TTLL1: variants seen among roughly 807,000 people sequenced by gnomAD.
The protein encoded by TTLL1 is polyglutamylase complex subunit TTLL1.
Under a neutral mutation model 47.8 loss-of-function variants are expected in TTLL1, and 33 were observed. That is an observed-to-expected ratio of 0.69 (90% CI 0.52 to 0.92). TTLL1 has a LOEUF of 0.92. Ranked by LOEUF, TTLL1 falls within the 40% of genes least tolerant of loss-of-function variation. The pLI, the probability that TTLL1 is intolerant of heterozygous loss-of-function variation, is 0.00. For missense variants in TTLL1, 488 were observed against 547.5 expected (o/e 0.89, Z 1.08); for synonymous variants, 225 against 214.1 (o/e 1.05, Z -0.45).
At chr22:43,066,790 G>A (rs989514745) in intron 5 of TTLL1, among the ~76,000 whole-genome samples, 1 of 151,702 alleles carries the variant, frequency 6.6e-6, no homozygotes. Context: ...AAGAGTTAGA[G>A]ACCAGCCTGG....
At chr22:43,073,829 A>ATT (rs1338674632) in intron 3 of TTLL1, among the ~76,000 whole-genome samples, 1 of 142,276 alleles carries the variant, frequency 7.0e-6, no homozygotes, top group African/African-American at 2.7e-5. Context: ...TTATTTATTT[A>ATT]TTTATTTTTT....
chr22:43,066,496 G>A (rs1364956408), intron 5 of TTLL1, among the ~76,000 whole-genome samples: 1 of 152,010 alleles, frequency 6.6e-6, no homozygotes, highest in East Asian at 1.9e-4. Context: ...GGCTGAGGCA[G>A]GCAGATCACT....
intron 1 of TTLL1, among the ~76,000 whole-genome samples, chr22:43,086,263 CAG>C (rs199876046): frequency 0.012 from 1,823 of 152,256 alleles, 18 homozygotes; most frequent in Non-Finnish European, 0.021. Context: ...CCAGGAAAAA[CAG>C]AGTGACATAT....
At chr22:43,057,320 C>T (rs937548259) in intron 8 of TTLL1, among the ~76,000 whole-genome samples, 1 of 151,422 alleles carries the variant, frequency 6.6e-6, no homozygotes, top group African/African-American at 2.4e-5. Flanking sequence ...ACTTTGTTAC[C>T]CTCAAGTCCC....
rs1261104006 is a variant in TTLL1 at position 43,073,363 on chromosome 22, ATTTT to A, written c.113+2107_113+2110del. Among the ~76,000 whole-genome samples the A allele has an allele frequency of 2.3e-3, 185 of 80,296 alleles. 1 individual carries two copies. Among genetic ancestry groups the A allele is most frequent in the African/African-American group, 8.7e-3 (178 of 20,436 alleles). 52.7% of individuals were successfully genotyped at this position (80,296 alleles called of 152,430 possible). A position where few individuals can be genotyped will look rare whatever the true frequency, so the allele number is the denominator to read the frequency against. On this transcript the variant is annotated intron_variant, in intron 3 of 10. Coordinates refer to ENST00000266254, the MANE Select transcript of TTLL1 (RefSeq NM_012263.5). ...TATTTATTTATTTATTTATTTATTT[ATTTT>A]ATTTTTTGAGGTACAGTCTCACTCT...
intron 1 of TTLL1, among the ~76,000 whole-genome samples, chr22:43,089,061 C>G (rs1929438247): frequency 6.6e-6 from 1 of 152,182 alleles, no homozygotes; most frequent in Admixed American, 6.5e-5. Context: ...TCGGACAGCA[C>G]GAGGTAAGTC....
chr22:43,059,332 C>T (rs1483717437), intron 8 of TTLL1, 52 bp downstream of exon 8: 2 of 1,571,448 alleles, frequency 1.3e-6, no homozygotes, highest in African/African-American at 2.7e-5. Flanking sequence ...GCAAGCCCCC[C>T]CACTCCCAAA....
intron 8 of TTLL1, among the ~76,000 whole-genome samples, chr22:43,057,735 G>T (rs1372818196): frequency 7.0e-6 from 1 of 143,448 alleles, no homozygotes; most frequent in East Asian, 2.3e-4. Context: ...TGACAGGAGA[G>T]ACTGGGCTCC....
chr22:43,039,584 G>A lies in TTLL1; in HGVS notation c.*192C>T, dbSNP rs1209667338. The A allele has an allele frequency of 3.4e-5, 18 of 530,054 alleles. No individual in the cohort carries two copies. The highest frequency in any genetic ancestry group is 4.8e-5 in the Admixed American group (1 of 20,682). The allele number at this position is 530,054 out of a possible 1,614,324, so 32.8% of individuals were successfully genotyped here. Reference sequence around the variant, plus strand: ...GGTTAAAAATTAAAAAAAAAAGAGCGAGTTTTATACATCCGCATGAATTGT... The same window carrying A: ...GGTTAAAAATTAAAAAAAAAAGAGCAAGTTTTATACATCCGCATGAATTGT... On this transcript the variant is annotated 3_prime_UTR_variant, in exon 11 of 11. Transcript: ENST00000266254.
In TTLL1 at chr22:43,048,316, CAAAAAAAAAGAAAGAA is replaced by C. The variant is rs1404750251; in HGVS notation, c.979-1759_979-1744del. Among the ~76,000 whole-genome samples, 24 of 138,502 alleles carry C rather than the reference CAAAAAAAAAGAAAGAA, an allele frequency of 1.7e-4. 1 individual carries two copies. The highest frequency in any genetic ancestry group is 5.9e-4 in the African/African-American group (22 of 37,056). 90.9% of individuals were successfully genotyped at this position (138,502 alleles called of 152,430 possible). ...TGGGTCACAGAGTGAGACTCCGTCT[CAAAAAAAAAGAAAGAA>C]AAAAAAAAAGAATTGTTTTAGGCTG... On this transcript the variant is annotated intron_variant, in intron 9 of 10. Transcript: ENST00000266254.
chr22:43,067,379 TCA>T (rs1927808308), intron 5 of TTLL1, among the ~76,000 whole-genome samples: 2 of 152,140 alleles, frequency 1.3e-5, no homozygotes, highest in Admixed American at 1.3e-4. Flanking sequence ...CAAAATACGC[TCA>T]GCCACTTCGT....
intron 9 of TTLL1, among the ~76,000 whole-genome samples, chr22:43,048,269 A>T (rs1926306555): frequency 6.6e-6 from 1 of 151,770 alleles, no homozygotes; most frequent in Non-Finnish European, 1.5e-5. Flanking sequence ...GTGAGCTGAG[A>T]TCACGCCACT....
At chr22:43,053,569 T>C (rs1236770240) in intron 8 of TTLL1, among the ~76,000 whole-genome samples, 1 of 152,216 alleles carries the variant, frequency 6.6e-6, no homozygotes, top group Non-Finnish European at 1.5e-5. Flanking sequence ...TCCAGTCTCA[T>C]GCTGCAGGTT....
In TTLL1 at chr22:43,064,318, C is replaced by T. The variant is rs148650737; in HGVS notation, c.510G>A (p.Val170=). The part of the protein sequence containing the change: ...WSRDSKTSSF[V]SQSNKEAYVI... Reference sequence around the variant, plus strand: ...CGTAGGCTTCCTTATTAGATTGAGACACAAACCTAAACATGGCAGAGAAAG... The same window carrying T: ...CGTAGGCTTCCTTATTAGATTGAGATACAAACCTAAACATGGCAGAGAAAG... The change falls in exon 6 of 11, where the codon GTG becomes GTA. Residue 170 remains valine, a synonymous_variant. Coordinates refer to ENST00000266254, the MANE Select transcript of TTLL1 (RefSeq NM_012263.5). The T allele has an allele frequency of 6.5e-4, 1,055 of 1,611,302 alleles. 5 individuals are homozygous for T. The African/African-American group carries it at 0.013, about 19-fold the overall frequency.
At chr22:43,073,521 T>C (rs569499015) in intron 3 of TTLL1, among the ~76,000 whole-genome samples, 37 of 151,700 alleles carry the variant, frequency 2.4e-4, no homozygotes, top group African/African-American at 7.5e-4. Context: ...CACACCCAGA[T>C]AATTTTTGTA....
At chr22:43,067,693 AG>A (rs1401365514) in intron 5 of TTLL1, among the ~76,000 whole-genome samples, 3 of 152,102 alleles carry the variant, frequency 2.0e-5, no homozygotes, top group Non-Finnish European at 2.9e-5. Context: ...AGAACAGGCC[AG>A]GAACAGTGAA....
intron 7 of TTLL1, 138 bp from the exon 8 acceptor site, chr22:43,059,665 C>T: frequency 9.2e-7 from 1 of 1,084,450 alleles, no homozygotes; most frequent in Non-Finnish European, 1.3e-6. Context: ...ATCCAGACCC[C>T]TGCCCCAGGG....
At chr22:43,088,339 T>A (rs1317169737) in intron 1 of TTLL1, among the ~76,000 whole-genome samples, 1 of 116,894 alleles carries the variant, frequency 8.6e-6, no homozygotes, top group Non-Finnish European at 1.8e-5. Flanking sequence ...TTTTTTTTTT[T>A]TTTTTTTTTT....
chr22:43,044,099 C>T (rs1925912456), intron 10 of TTLL1, among the ~76,000 whole-genome samples: 1 of 152,062 alleles, frequency 6.6e-6, no homozygotes, highest in Non-Finnish European at 1.5e-5. Context: ...ACCCTCCTCC[C>T]CGAGAGACTG....
Sources: gnomAD v4.1 joint callset for allele counts (sites outside exome capture counted in the v4.1 genomes callset) on GRCh38, gnomAD v4.1.1 for gene constraint, MANE v1.5 for transcripts, NCBI Gene and HGNC (gene_info 2026-07-23, HGNC 2026-07-21) for gene names.